MSRA: variants seen among roughly 807,000 people sequenced by gnomAD.
MSRA encodes methionine sulfoxide reductase A.
Under a neutral mutation model 31.3 loss-of-function variants are expected in MSRA, and 54 were observed. The observed-to-expected ratio is 1.73, with a 90% CI of 1.39 to 2.17. The LOEUF is 2.17. Among genes scored for constraint, MSRA ranks in the 30% most tolerant of loss-of-function variants. The pLI, the probability that MSRA is intolerant of heterozygous loss-of-function variation, is 0.00. For missense variants in MSRA, 507 were observed against 300.9 expected, an observed-to-expected ratio of 1.69 and a Z score of -5.07; for synonymous variants, 169 against 116.5, an observed-to-expected ratio of 1.45 and a Z score of -2.90.
intron 3 of MSRA, among the ~76,000 whole-genome samples, chr8:10,246,461 A>G (rs1056278482): frequency 2.6e-5 from 4 of 152,192 alleles, no homozygotes; most frequent in African/African-American, 9.7e-5. Context: ...ATAGGGAGGG[A>G]GTATCTGGAG....
At chr8:10,384,231 G>A (rs1585641889) in intron 5 of MSRA, among the ~76,000 whole-genome samples, 1 of 152,116 alleles carries the variant, frequency 6.6e-6, no homozygotes, top group Non-Finnish European at 1.5e-5. Flanking sequence ...GCAACCACCT[G>A]CCTTGAAATA....
intron 5 of MSRA, among the ~76,000 whole-genome samples, chr8:10,421,999 C>T (rs1157135229): frequency 1.3e-5 from 2 of 152,230 alleles, no homozygotes; most frequent in African/African-American, 2.4e-5. Context: ...ACACGCCAGG[C>T]AGGCTGTGTC....
At chr8:10,239,958 C>G (rs1336790668) in intron 2 of MSRA, among the ~76,000 whole-genome samples, 1 of 152,158 alleles carries the variant, frequency 6.6e-6, no homozygotes, top group African/African-American at 2.4e-5. Flanking sequence ...TATTCCAGTG[C>G]TTTTTCAGGA....
At chr8:10,057,792 C>T (rs959980693) in intron 1 of MSRA, among the ~76,000 whole-genome samples, 2 of 152,206 alleles carry the variant, frequency 1.3e-5, no homozygotes, top group African/African-American at 4.8e-5. Context: ...TTGTAAGTTT[C>T]CTGAGGCCTC....
intron 5 of MSRA, among the ~76,000 whole-genome samples, chr8:10,340,224 C>G (rs936025337): frequency 2.0e-5 from 3 of 152,102 alleles, no homozygotes; most frequent in African/African-American, 7.2e-5. Context: ...TGGTGCCATT[C>G]TCAGGTCTCC....
chr8:10,259,445 A>G (rs964260012), intron 3 of MSRA, among the ~76,000 whole-genome samples: 4 of 152,144 alleles, frequency 2.6e-5, no homozygotes, highest in African/African-American at 7.2e-5. Flanking sequence ...GGTAAAGGAC[A>G]TACTTCCTGG....
At chr8:10,151,278 A>T (rs76257580) in intron 1 of MSRA, among the ~76,000 whole-genome samples, 45 of 127,488 alleles carry the variant, frequency 3.5e-4, no homozygotes, top group South Asian at 1.2e-3. Flanking sequence ...AAAAAAAAAA[A>T]AAAAAAAAAA....
At chr8:10,062,739 T>C (rs1459673273) in intron 1 of MSRA, among the ~76,000 whole-genome samples, 1 of 152,190 alleles carries the variant, frequency 6.6e-6, no homozygotes, top group Non-Finnish European at 1.5e-5. Context: ...TTACTGGTTT[T>C]TCCTATCGCA....
intron 2 of MSRA, among the ~76,000 whole-genome samples, chr8:10,209,692 A>T (rs1252597004): frequency 6.6e-6 from 1 of 152,210 alleles, no homozygotes; most frequent in Admixed American, 6.5e-5. Context: ...GAGGAGGCTG[A>T]CAGGTGAACT....
intron 1 of MSRA, among the ~76,000 whole-genome samples, chr8:10,066,046 A>G (rs11249968): frequency 0.51 from 77,383 of 151,088 alleles, 22,258 homozygotes; most frequent in Middle Eastern, 0.64. Flanking sequence ...TTTTTGAGAC[A>G]GAGTCTTGCT....
intron 5 of MSRA, among the ~76,000 whole-genome samples, chr8:10,356,657 G>A (rs558356891): frequency 7.2e-5 from 11 of 152,268 alleles, no homozygotes; most frequent in South Asian, 2.1e-4. Context: ...GATGAGTGCC[G>A]TTGTAAAGAG....
intron 3 of MSRA, among the ~76,000 whole-genome samples, chr8:10,286,058 T>C (rs950562118): frequency 2.6e-5 from 4 of 152,134 alleles, no homozygotes; most frequent in African/African-American, 9.7e-5. Context: ...GTTCTGATAC[T>C]GTGGGCACTG....
At chr8:10,349,590 G>A (rs937967853) in intron 5 of MSRA, among the ~76,000 whole-genome samples, 1 of 152,196 alleles carries the variant, frequency 6.6e-6, no homozygotes, top group African/African-American at 2.4e-5. Context: ...TCCCCTCTGG[G>A]AGCCTCCCCT....
chr8:10,092,485 C>A (rs745723573), intron 1 of MSRA, among the ~76,000 whole-genome samples: 8 of 152,094 alleles, frequency 5.3e-5, no homozygotes, highest in South Asian at 2.1e-4. Flanking sequence ...GTGTGAAACC[C>A]CATCTTTACT....
chr8:10,363,427 G>A lies in MSRA; in HGVS notation c.543+43438G>A, dbSNP rs750777383. 6.4e-4 allele frequency among the ~76,000 whole-genome samples: 98 copies of A among 152,196 alleles called. 1 individual carries two copies. The highest frequency in any genetic ancestry group is 1.2e-3 in the Non-Finnish European group (85 of 68,004). ...GGACCTCCCGTCCAAATTTACCTGC[G>A]CAGACACAGCACCTCTTGGAGGAGC... On this transcript the variant is annotated intron_variant, in intron 5 of 5. Coordinates refer to ENST00000317173, the MANE Select transcript of MSRA (RefSeq NM_012331.5).
chr8:10,259,530 T>G (rs1206391424), intron 3 of MSRA, among the ~76,000 whole-genome samples: 1 of 152,120 alleles, frequency 6.6e-6, no homozygotes, highest in Non-Finnish European at 1.5e-5. Context: ...CTCCTGTGGC[T>G]GGGGGTGGGA....
At chr8:10,271,785 C>G (rs1799054927) in intron 3 of MSRA, among the ~76,000 whole-genome samples, 1 of 147,668 alleles carries the variant, frequency 6.8e-6, no homozygotes, top group African/African-American at 2.5e-5. Flanking sequence ...GTGGCGCGAT[C>G]TTGGCTCACC....
chr8:10,283,802 CATATATATATATATATAT>C (rs375322603), intron 3 of MSRA, among the ~76,000 whole-genome samples: 3 of 46,164 alleles, frequency 6.5e-5, no homozygotes, highest in Non-Finnish European at 1.0e-4. Flanking sequence ...TATTCTATCT[CATATATATATATATATAT>C]ATATATATAT....
At chr8:10,067,157 G>A (rs1013206146) in intron 1 of MSRA, among the ~76,000 whole-genome samples, 52 of 152,190 alleles carry the variant, frequency 3.4e-4, no homozygotes, top group African/African-American at 1.3e-3. Context: ...AGTCCTCTGT[G>A]CTTTACCTAT....
Sources: allele counts gnomAD v4.1 joint callset (sites outside exome capture counted in the v4.1 genomes callset), GRCh38; gene constraint gnomAD v4.1.1; transcripts MANE v1.5; gene names NCBI Gene and HGNC (gene_info 2026-07-23, HGNC 2026-07-21).